ACTR10: variants seen among roughly 807,000 people sequenced by gnomAD.
ACTR10 encodes the protein actin related protein 10.
ACTR10 carries 43 observed loss-of-function variants against 56.2 expected under a neutral mutation model. The ratio of observed to expected loss-of-function variants is 0.77; its 90% CI spans 0.60 to 0.99. The LOEUF is 0.99. ACTR10 is among the 50% of genes least tolerant of loss of function. The pLI is 0.00. For synonymous variants in ACTR10, 170 were observed against 176.3 expected (o/e 0.96, Z 0.28); for missense variants, 466 against 507.8 (o/e 0.92, Z 0.79).
chr14:58,200,743 A>G (rs1888685412), intron 1 of ACTR10, among the ~76,000 whole-genome samples: 1 of 152,234 alleles, frequency 6.6e-6, no homozygotes, highest in African/African-American at 2.4e-5. Context: ...AGACAGGGCT[A>G]TCGCTGCTCA....
Position 58,202,886 on chromosome 14 carries a change from T to G in ACTR10, c.109T>G (p.Cys37Gly), listed in dbSNP as rs755098822. ...ATTTGCTGGAGAAACTGGTCCAAGA[T>G]GTATAATTCCTAGTGTGATAAAAAG... ...CGFAGETGPR[C>G]IIPSVIKRAG... The change falls in exon 2 of 13, where the codon TGT becomes GGT. Residue 37 changes from cysteine (C) to glycine (G), a missense_variant. Transcript: ENST00000254286. The G allele has an allele frequency of 6.8e-6, 11 of 1,608,860 alleles. No individual in the cohort carries two copies. The highest frequency in any genetic ancestry group is 6.8e-6 in the Non-Finnish European group (8 of 1,177,550).
chr14:58,210,813 T>G (rs1435243166), intron 4 of ACTR10, among the ~76,000 whole-genome samples: 2 of 152,224 alleles, frequency 1.3e-5, no homozygotes, highest in East Asian at 1.9e-4. Context: ...TAGCTGAGAT[T>G]ACAGGCAGAT....
chr14:58,214,813 CATA>C (rs1444234420), intron 6 of ACTR10, among the ~76,000 whole-genome samples: 1 of 147,110 alleles, frequency 6.8e-6, no homozygotes, highest in African/African-American at 2.5e-5. Flanking sequence ...TTATTTAAAT[CATA>C]ATAATCGGGC....
At chr14:58,213,994 A>C (rs1423274656) in intron 6 of ACTR10, among the ~76,000 whole-genome samples, 2 of 152,330 alleles carry the variant, frequency 1.3e-5, no homozygotes, top group African/African-American at 4.8e-5. Flanking sequence ...CATCTCGTCA[A>C]GCATTTATCC....
chr14:58,227,239 C>A (rs1889426346), intron 10 of ACTR10, among the ~76,000 whole-genome samples: 5 of 151,418 alleles, frequency 3.3e-5, no homozygotes. Context: ...GGTACAGAAT[C>A]CATCTAGTTG....
chr14:58,229,507 T>C (rs533490457), intron 10 of ACTR10, among the ~76,000 whole-genome samples: 2 of 151,698 alleles, frequency 1.3e-5, no homozygotes, highest in Non-Finnish European at 2.9e-5. Flanking sequence ...TGAAACCCCG[T>C]CTCTACTAAA....
chr14:58,217,647 CAG>C (rs1478569845), intron 7 of ACTR10, among the ~76,000 whole-genome samples: 1 of 143,352 alleles, frequency 7.0e-6, no homozygotes, highest in Non-Finnish European at 1.5e-5. Flanking sequence ...ACCTGGGTGA[CAG>C]AGGGAGACTC....
intron 10 of ACTR10, among the ~76,000 whole-genome samples, chr14:58,226,685 C>T (rs1889410713): frequency 6.6e-6 from 1 of 152,024 alleles, no homozygotes; most frequent in African/African-American, 2.4e-5. Context: ...ACCACAACCC[C>T]CACCTCCCGG....
At chr14:58,231,144 C>A in intron 11 of ACTR10, 1 of 282,250 alleles carries the variant, frequency 3.5e-6, no homozygotes, top group Non-Finnish European at 7.8e-6. Flanking sequence ...ACCTCCGCCC[C>A]CGGGTTCAAG....
Position 58,232,051 on chromosome 14 carries a change from TC to T in ACTR10, c.871-14del, listed in dbSNP as rs1889549471. On this transcript the variant is annotated splice_polypyrimidine_tract_variant and intron_variant, in intron 11 of 12. Coordinates refer to ENST00000254286, the MANE Select transcript of ACTR10 (RefSeq NM_018477.3). Reference sequence around the variant, plus strand: ...AGTTCAGAATAAATCCTTCTTTTTTTCTTTTTAATAACAGTGTCCGATAGAC... The same window carrying T: ...AGTTCAGAATAAATCCTTCTTTTTTTTTTTTAATAACAGTGTCCGATAGAC... 6.3e-7 allele frequency: 1 copy of T among 1,584,560 alleles called. No homozygotes were observed. The highest frequency in any genetic ancestry group is 1.1e-5 in the South Asian group (1 of 87,074).
intron 10 of ACTR10, among the ~76,000 whole-genome samples, chr14:58,229,160 A>G (rs567551152): frequency 3.9e-5 from 6 of 152,302 alleles, no homozygotes; most frequent in African/African-American, 1.2e-4. Context: ...CCAGACAGAA[A>G]GAAAAATACT....
intron 2 of ACTR10, among the ~76,000 whole-genome samples, chr14:58,205,314 C>CTTTTT (rs35929902): frequency 7.7e-6 from 1 of 129,656 alleles, no homozygotes; most frequent in African/African-American, 2.9e-5. Flanking sequence ...CATCAGAAAT[C>CTTTTT]TTTTTTTTTT....
At chr14:58,223,146 T>G (rs982505627) in intron 8 of ACTR10, among the ~76,000 whole-genome samples, 1 of 152,208 alleles carries the variant, frequency 6.6e-6, no homozygotes, top group Non-Finnish European at 1.5e-5. Context: ...GGTTTGTTTT[T>G]TTTCTTTGAG....
At chr14:58,205,700 T>C (rs1240419072) in intron 2 of ACTR10, among the ~76,000 whole-genome samples, 5 of 152,108 alleles carry the variant, frequency 3.3e-5, no homozygotes, top group Non-Finnish European at 7.4e-5. Context: ...GCCAGAAATA[T>C]GGTAGATATT....
chr14:58,207,941 C>G lies in ACTR10; in HGVS notation c.156C>G (p.Val52=), dbSNP rs760399074. ...ATCATTTTAATTTTTTACAGCCTGT[C>G]AGAGTTGTTCAGTATAATATCAATA... The part of the protein sequence containing the change: ...VIKRAGMPKP[V]RVVQYNINTE... Residue 52 remains valine, a synonymous_variant, in exon 3 of 13, where the codon GTC becomes GTG. Coordinates refer to ENST00000254286, the MANE Select transcript of ACTR10 (RefSeq NM_018477.3). The G allele has an allele frequency of 2.1e-6, 3 of 1,452,298 alleles. No individual in the cohort carries two copies. The South Asian group carries it at 4.6e-5, about 22-fold the overall frequency. The allele number at this position is 1,452,298 out of a possible 1,614,324, so 90.0% of individuals were successfully genotyped here.
intron 8 of ACTR10, 102 bp from the exon 9 acceptor site, chr14:58,223,520 T>G: frequency 1.2e-6 from 1 of 861,592 alleles, no homozygotes; most frequent in South Asian, 1.7e-5. Context: ...GAATAGATGA[T>G]GAGCATGTTC....
rs575489047 is a variant in ACTR10 at position 58,209,111 on chromosome 14, C to T, written c.342+4C>T. ...TGTTCTTTTCAAATATTTTGAGGTA[C>T]CTGTCTTTATATCAAATAAGTAAAT... On this transcript the variant is annotated splice_donor_region_variant and intron_variant, in intron 4 of 12. Transcript: ENST00000254286. 1.5e-4 allele frequency: 238 copies of T among 1,549,502 alleles called. 11 individuals are homozygous for T. The South Asian group carries it at 2.8e-3, about 18-fold the overall frequency.
At chr14:58,200,651 C>A (rs1036510324) in intron 1 of ACTR10, among the ~76,000 whole-genome samples, 1 of 152,094 alleles carries the variant, frequency 6.6e-6, no homozygotes, top group African/African-American at 2.4e-5. Context: ...GGCAGCCAAC[C>A]GAATGTAAAT....
chr14:58,207,830 C>T, intron 2 of ACTR10, 106 bp from the exon 3 acceptor site: 1 of 647,392 alleles, frequency 1.5e-6, no homozygotes, highest in Non-Finnish European at 2.2e-6. Flanking sequence ...ATACAGATTG[C>T]TTTTAATTTA....
Sources: gnomAD v4.1 joint callset for allele counts (sites outside exome capture counted in the v4.1 genomes callset) on GRCh38, gnomAD v4.1.1 for gene constraint, MANE v1.5 for transcripts, NCBI Gene and HGNC (gene_info 2026-07-23, HGNC 2026-07-21) for gene names.